The following CA10 variants were observed in gnomAD, a reference collection of about 807,000 sequenced individuals.
CA10 encodes carbonic anhydrase-related protein 10.
CA10 carries 14 observed loss-of-function variants against 44.2 expected under a neutral mutation model. That is an observed-to-expected ratio of 0.32 (90% CI 0.21 to 0.50). The LOEUF is 0.50. CA10 is among the 20% of genes least tolerant of loss of function. The probability of loss-of-function intolerance (pLI) is 0.99; values close to 1 mark genes in which losing one functional copy is unlikely to be tolerated. For missense variants in CA10, 350 were observed against 409.7 expected (o/e 0.85, Z 1.26); for synonymous variants, 159 against 141.6 (o/e 1.12, Z -0.87).
Position 51,631,596 on chromosome 17 carries a change from C to G in CA10, c.975G>C (p.Trp325Cys). The G allele has an allele frequency of 6.2e-7, 1 of 1,612,316 alleles. No homozygotes were observed. Among genetic ancestry groups the G allele is most frequent in the Non-Finnish European group, 8.5e-7 (1 of 1,178,814 alleles). The part of the protein sequence containing the change: ...AQKLQYRVNE[W>C]LLK Reference sequence around the variant, plus strand: ...TTGGCTTTGTTCCCTACTTGAGGAGCCATTCATTTACTGCAAAGAGAGAGA... The same window carrying G: ...TTGGCTTTGTTCCCTACTTGAGGAGGCATTCATTTACTGCAAAGAGAGAGA... Residue 325 changes from tryptophan (W) to cysteine (C), a missense_variant, in exon 9 of 9, where the codon TGG becomes TGC. Transcript: ENST00000451037.
At chr17:51,766,850 G>T (rs1905404011) in intron 3 of CA10, among the ~76,000 whole-genome samples, 1 of 152,138 alleles carries the variant, frequency 6.6e-6, no homozygotes, top group Non-Finnish European at 1.5e-5. Context: ...TGTTAATTAG[G>T]AAGTGTTTAC....
intron 2 of CA10, among the ~76,000 whole-genome samples, chr17:51,986,869 A>G (rs1046155751): frequency 4.6e-5 from 7 of 152,100 alleles, no homozygotes; most frequent in African/African-American, 1.7e-4. Flanking sequence ...AGATATCGGC[A>G]TGGATGTGCT....
chr17:51,864,670 C>A (rs971832633), intron 3 of CA10, among the ~76,000 whole-genome samples: 3 of 152,158 alleles, frequency 2.0e-5, no homozygotes, highest in Admixed American at 2.0e-4. Context: ...AAATCAAATT[C>A]TTCTCTCAGT....
intron 2 of CA10, among the ~76,000 whole-genome samples, 198 bp downstream of exon 2, chr17:52,072,121 G>A (rs1251534984): frequency 1.3e-5 from 2 of 152,162 alleles, no homozygotes; most frequent in Non-Finnish European, 2.9e-5. Flanking sequence ...TAGATTGAAG[G>A]ACATTGAGAC....
At chr17:52,049,692 T>C (rs1987004696) in intron 2 of CA10, among the ~76,000 whole-genome samples, 2 of 152,094 alleles carry the variant, frequency 1.3e-5, no homozygotes, top group African/African-American at 2.4e-5. Context: ...AGGAGACAAA[T>C]GTGTATGTCC....
intron 2 of CA10, among the ~76,000 whole-genome samples, chr17:52,018,232 G>A (rs911421842): frequency 1.3e-5 from 2 of 152,262 alleles, no homozygotes; most frequent in Middle Eastern, 3.4e-3. Flanking sequence ...GCCTAGTGGA[G>A]CTGTAGGAAG....
At chr17:51,647,424 C>T (rs372020258) in intron 6 of CA10, among the ~76,000 whole-genome samples, 6 of 151,990 alleles carry the variant, frequency 3.9e-5, no homozygotes, top group African/African-American at 1.4e-4. Flanking sequence ...CCCTCCCTCC[C>T]TTTCTTCCTT....
At chr17:51,995,726 T>A (rs1050118612) in intron 2 of CA10, among the ~76,000 whole-genome samples, 1 of 152,202 alleles carries the variant, frequency 6.6e-6, no homozygotes. Context: ...TAAGGATGAC[T>A]CAACTGAGAT....
At chr17:51,681,674 C>T (rs775813898) in intron 4 of CA10, among the ~76,000 whole-genome samples, 10 of 152,252 alleles carry the variant, frequency 6.6e-5, no homozygotes, top group South Asian at 2.1e-4. Flanking sequence ...AAAAATAAGT[C>T]GTGGCTGTTT....
intron 2 of CA10, among the ~76,000 whole-genome samples, chr17:52,057,136 G>A (rs79344194): frequency 1.3e-5 from 2 of 152,054 alleles, no homozygotes; most frequent in African/African-American, 4.8e-5. Context: ...GTGCATAGTA[G>A]AGAATCAGTA....
At chr17:51,953,428 T>C (rs1014631988) in intron 2 of CA10, among the ~76,000 whole-genome samples, 4 of 151,898 alleles carry the variant, frequency 2.6e-5, no homozygotes, top group Non-Finnish European at 4.4e-5. Flanking sequence ...GTTTAATATC[T>C]GATAGGAATA....
At chr17:51,897,990 A>T (rs916076929) in intron 3 of CA10, among the ~76,000 whole-genome samples, 4 of 152,148 alleles carry the variant, frequency 2.6e-5, no homozygotes, top group African/African-American at 9.7e-5. Flanking sequence ...TTTTCTAGGT[A>T]TAGAATCATA....
chr17:51,677,890 C>G (rs1317811805), intron 4 of CA10, among the ~76,000 whole-genome samples: 1 of 36,134 alleles, frequency 2.8e-5, no homozygotes, highest in Non-Finnish European at 1.1e-4. Flanking sequence ...TATACACCCC[C>G]CCCCCCACCG....
At chr17:52,065,642 A>G (rs1487256626) in intron 2 of CA10, among the ~76,000 whole-genome samples, 1 of 152,160 alleles carries the variant, frequency 6.6e-6, no homozygotes, top group Non-Finnish European at 1.5e-5. Flanking sequence ...TCTTTAGGGT[A>G]AAATCCAAAC....
intron 2 of CA10, among the ~76,000 whole-genome samples, chr17:51,979,299 T>A (rs962309102): frequency 7.9e-5 from 12 of 152,144 alleles, no homozygotes; most frequent in Admixed American, 7.9e-4. Context: ...CCAGAACAAA[T>A]ATCTTAGTAA....
intron 3 of CA10, among the ~76,000 whole-genome samples, chr17:51,861,860 G>A (rs940601366): frequency 7.9e-5 from 12 of 152,152 alleles, no homozygotes; most frequent in African/African-American, 2.9e-4. Flanking sequence ...TATAGTGAAA[G>A]ATGAATCACC....
At chr17:51,939,572 T>C (rs1159146918) in intron 2 of CA10, among the ~76,000 whole-genome samples, 1 of 152,084 alleles carries the variant, frequency 6.6e-6, no homozygotes, top group Non-Finnish European at 1.5e-5. Context: ...AAAATCTCCA[T>C]AGTATTGGAT....
chr17:51,654,840 G>C (rs1054629794), intron 4 of CA10, among the ~76,000 whole-genome samples: 4 of 152,044 alleles, frequency 2.6e-5, no homozygotes, highest in African/African-American at 9.7e-5. Context: ...ACAGGTGTGA[G>C]CCACTGCGCC....
intron 4 of CA10, among the ~76,000 whole-genome samples, chr17:51,700,111 A>T (rs989118417): frequency 2.6e-5 from 4 of 152,192 alleles, no homozygotes; most frequent in Non-Finnish European, 2.9e-5. Context: ...TGCAGAGAGA[A>T]CTAGACTGGG....
Sources: gnomAD v4.1 joint callset for allele counts (sites outside exome capture counted in the v4.1 genomes callset) on GRCh38, gnomAD v4.1.1 for gene constraint, MANE v1.5 for transcripts, NCBI Gene and HGNC (gene_info 2026-07-23, HGNC 2026-07-21) for gene names.